Variants in NFASC observed in about 807,000 individuals in gnomAD.
The protein encoded by NFASC is neurofascin homolog.
NFASC carries 43 observed loss-of-function variants against 147.5 expected under a neutral mutation model. The ratio of observed to expected loss-of-function variants is 0.29; its 90% CI spans 0.23 to 0.38. The LOEUF is 0.38. Among genes scored for constraint, NFASC ranks in the 10% least tolerant of loss-of-function variants. The pLI is 1.00. For missense variants in NFASC, 1,320 were observed against 1,689.0 expected (o/e 0.78, Z 3.83); for synonymous variants, 622 against 665.5 (o/e 0.93, Z 1.01).
In NFASC at chr1:204,944,206, T is replaced by C. The variant is rs1395923635; in HGVS notation, c.-90-20T>C. On this transcript the variant is annotated intron_variant, in intron 2 of 29. Transcript: ENST00000339876. Reference sequence around the variant, plus strand: ...ACAAGTTCATGAAAAACTCACTTGCTCTTATGTTTCTTTCCACAGCTGAGT... The same window carrying C: ...ACAAGTTCATGAAAAACTCACTTGCCCTTATGTTTCTTTCCACAGCTGAGT... 4 of 1,544,344 alleles carry C rather than the reference T, an allele frequency of 2.6e-6. No homozygotes were observed. In the East Asian group the frequency reaches 9.7e-5, roughly 38 times the overall value.
chr1:204,953,415 G>A (rs2094244799), intron 5 of NFASC, among the ~76,000 whole-genome samples: 1 of 152,132 alleles, frequency 6.6e-6, no homozygotes, highest in African/African-American at 2.4e-5. Flanking sequence ...TCCTGCCTCA[G>A]CCCTCCCAAG....
At chr1:205,007,174 G>C (rs547457388) in intron 27 of NFASC, among the ~76,000 whole-genome samples, 37 of 151,776 alleles carry the variant, frequency 2.4e-4, no homozygotes, top group Non-Finnish European at 4.9e-4. Flanking sequence ...TTAAGACACA[G>C]GAACACTTAG....
At chr1:204,926,032 G>A (rs2091431486) in intron 2 of NFASC, among the ~76,000 whole-genome samples, 1 of 151,784 alleles carries the variant, frequency 6.6e-6, no homozygotes. Context: ...ATAATTTACT[G>A]TGGAGATAGA....
rs1313106277 is a variant in NFASC, at chr1:204,984,072, G to A, written c.2470+2052G>A. On this transcript the variant is annotated intron_variant, in intron 21 of 29. Transcript: ENST00000339876. Reference sequence around the variant, plus strand: ...GAAGTTAAAGTCCGAGTCATGAACAGCACAGCCATCAGCCTTCAGTGGAAC... The same window carrying A: ...GAAGTTAAAGTCCGAGTCATGAACAACACAGCCATCAGCCTTCAGTGGAAC... 6 of 1,614,154 alleles carry A rather than the reference G, an allele frequency of 3.7e-6. No homozygotes were observed. The East Asian group carries it at 1.3e-4, about 36-fold the overall frequency.
intron 1 of NFASC, among the ~76,000 whole-genome samples, chr1:204,891,551 C>T (rs2082391477): frequency 6.6e-6 from 1 of 152,150 alleles, no homozygotes; most frequent in Admixed American, 6.5e-5. Context: ...TGGGGTGGTG[C>T]CTGTATGAAG....
chr1:204,926,688 A>G (rs1295697936), intron 2 of NFASC, among the ~76,000 whole-genome samples: 1 of 150,216 alleles, frequency 6.7e-6, no homozygotes, highest in Non-Finnish European at 1.5e-5. Context: ...TGCTGGGATT[A>G]CAGGCGTGAG....
intron 23 of NFASC, 76 bp downstream of exon 23, chr1:204,988,882 A>G (rs781405835): frequency 7.1e-7 from 1 of 1,413,524 alleles, no homozygotes; most frequent in Non-Finnish European, 1.0e-6. Flanking sequence ...TGAGATCTGT[A>G]GCTGGCTGCC....
chr1:204,875,006 G>A (rs959394333), intron 1 of NFASC, among the ~76,000 whole-genome samples: 2 of 152,102 alleles, frequency 1.3e-5, no homozygotes, highest in African/African-American at 2.4e-5. Flanking sequence ...GGGGAAACAC[G>A]TTAAGTGACT....
At chr1:205,003,116 C>CA (rs768235625) in intron 27 of NFASC, among the ~76,000 whole-genome samples, 4 of 152,164 alleles carry the variant, frequency 2.6e-5, no homozygotes, top group African/African-American at 4.8e-5. Context: ...GGCCTGTGCG[C>CA]ACAGGGGCTG....
At chr1:204,837,779 G>A (rs1027541531) in intron 1 of NFASC, among the ~76,000 whole-genome samples, 47 of 147,500 alleles carry the variant, frequency 3.2e-4, no homozygotes, top group African/African-American at 1.1e-3. Flanking sequence ...GAATGATTCT[G>A]CCTAGGACTA....
Position 204,968,389 on chromosome 1 carries a change from G to T in NFASC, c.818+29G>T. ...TGTGCGGTTTGCAGCCCCTCTTCTA[G>T]CCACCCTCCAGGAGGATGGGGATGG... On this transcript the variant is annotated intron_variant, in intron 9 of 29. Transcript: ENST00000339876. The surrounding 1 kb of genome is among the most constrained non-coding windows in gnomAD (Gnocchi z 5.4). 1.9e-6 allele frequency: 3 copies of T among 1,545,656 alleles called. No homozygotes were observed. Among genetic ancestry groups the T allele is most frequent in the Non-Finnish European group, 2.7e-6 (3 of 1,117,762 alleles).
In NFASC at chr1:204,970,762, G is replaced by A. The variant is rs1205837264; in HGVS notation, c.1135+15G>A. 1.2e-6 allele frequency: 2 copies of A among 1,614,168 alleles called. No individual in the cohort carries two copies. Among genetic ancestry groups the A allele is most frequent in the Non-Finnish European group, 1.7e-6 (2 of 1,180,006 alleles). On this transcript the variant is annotated intron_variant, in intron 11 of 29. Transcript: ENST00000339876. ...ACCTTTGCAATGTAAGTAGCGAGCT[G>A]TTGTCCCATCTGACTCTCATCTCTC...
At chr1:204,948,682 G>T in intron 3 of NFASC, 1 of 519,066 alleles carries the variant, frequency 1.9e-6, no homozygotes, top group Non-Finnish European at 3.8e-6. Flanking sequence ...TTGGCCGAGA[G>T]ACTTCTTCCT....
chr1:204,919,728 A>G (rs192518150), intron 1 of NFASC, among the ~76,000 whole-genome samples: 17 of 152,198 alleles, frequency 1.1e-4, no homozygotes, highest in Non-Finnish European at 2.2e-4. Flanking sequence ...TCCCGGGTTC[A>G]AGCCATTCTC....
chr1:204,888,658 A>G (rs554918051), intron 1 of NFASC, among the ~76,000 whole-genome samples: 189 of 152,348 alleles, frequency 1.2e-3, no homozygotes, highest in Non-Finnish European at 3.8e-4. Flanking sequence ...AAATTCTGTA[A>G]TGAAATGGGA....
intron 1 of NFASC, among the ~76,000 whole-genome samples, chr1:204,896,705 A>G (rs1242924804): frequency 6.6e-6 from 1 of 152,240 alleles, no homozygotes; most frequent in Non-Finnish European, 1.5e-5. Flanking sequence ...GCAGCAAAGA[A>G]GTAAATATAT....
chr1:204,967,623 G>C (rs1169382863), intron 8 of NFASC, among the ~76,000 whole-genome samples: 2 of 147,862 alleles, frequency 1.4e-5, no homozygotes, highest in Admixed American at 6.9e-5. Flanking sequence ...CTGTCTTCCC[G>C]AGTCATTAGT....
chr1:204,880,688 G>T (rs142012171), intron 1 of NFASC, among the ~76,000 whole-genome samples: 1 of 152,152 alleles, frequency 6.6e-6, no homozygotes, highest in Admixed American at 6.5e-5. Context: ...GTTTCATCTG[G>T]TTCAGAGGTA....
At chr1:204,831,050 G>C (rs1274667553) in intron 1 of NFASC, among the ~76,000 whole-genome samples, 1 of 152,096 alleles carries the variant, frequency 6.6e-6, no homozygotes, top group Non-Finnish European at 1.5e-5. Context: ...CAGTGCCTAA[G>C]GGCTGCCAGC....
Sources: allele counts gnomAD v4.1 joint callset (sites outside exome capture counted in the v4.1 genomes callset), GRCh38; gene constraint gnomAD v4.1.1; non-coding constraint Gnocchi (gnomAD v3.1); transcripts MANE v1.5; gene names NCBI Gene and HGNC (gene_info 2026-07-23, HGNC 2026-07-21).